ZFAND3: variants seen among roughly 807,000 people sequenced by gnomAD.
The protein encoded by ZFAND3 is zinc finger AN1-type containing 3.
Under a neutral mutation model 29.6 loss-of-function variants are expected in ZFAND3, and 10 were observed. The ratio of observed to expected loss-of-function variants is 0.34; its 90% CI spans 0.21 to 0.57. The LOEUF (loss-of-function observed/expected upper bound fraction) is 0.57. ZFAND3 is among the 20% of genes least tolerant of loss of function. ZFAND3 has a pLI of 0.86. For missense variants in ZFAND3, 230 were observed against 304.5 expected (o/e 0.76, Z 1.82); for synonymous variants, 128 against 112.6 (o/e 1.14, Z -0.87).
chr6:37,995,744 CAGTT>C (rs779078011), intron 2 of ZFAND3, among the ~76,000 whole-genome samples: 12 of 151,922 alleles, frequency 7.9e-5, no homozygotes, highest in Admixed American at 1.3e-4. Flanking sequence ...AAAACAAACA[CAGTT>C]AGTAAGTAAA....
chr6:37,831,698 G>A (rs1403417628), intron 1 of ZFAND3, among the ~76,000 whole-genome samples: 1 of 152,162 alleles, frequency 6.6e-6, no homozygotes, highest in East Asian at 1.9e-4. Context: ...ATGGTAAGGA[G>A]GGGATTTCTG....
At chr6:38,043,671 G>A (rs1763841084) in intron 2 of ZFAND3, among the ~76,000 whole-genome samples, 1 of 151,526 alleles carries the variant, frequency 6.6e-6, no homozygotes, top group Admixed American at 6.6e-5. Flanking sequence ...GAGTGTAGTG[G>A]CATGACCTTG....
intron 1 of ZFAND3, among the ~76,000 whole-genome samples, chr6:37,911,969 C>T (rs1765528259): frequency 6.6e-6 from 1 of 151,676 alleles, no homozygotes; most frequent in Non-Finnish European, 1.5e-5. Context: ...TGCAGATTCA[C>T]CATCTTAGGG....
intron 1 of ZFAND3, among the ~76,000 whole-genome samples, chr6:37,922,809 C>T (rs902605773): frequency 6.6e-6 from 1 of 152,154 alleles, no homozygotes; most frequent in Non-Finnish European, 1.5e-5. Flanking sequence ...CAGGCACTTA[C>T]CATGAATGGA....
chr6:38,060,629 CTT>C (rs1485734695), intron 2 of ZFAND3, among the ~76,000 whole-genome samples: 1 of 151,884 alleles, frequency 6.6e-6, no homozygotes, highest in African/African-American at 2.4e-5. Context: ...TTTTTTAAAA[CTT>C]TTAGAGATGA....
At chr6:38,131,407 A>G (rs1159371087) in intron 5 of ZFAND3, among the ~76,000 whole-genome samples, 2 of 152,222 alleles carry the variant, frequency 1.3e-5, no homozygotes, top group South Asian at 2.1e-4. Flanking sequence ...GTCCTTCTTT[A>G]GAAGGTAAAA....
At chr6:38,025,718 A>G (rs1410455779) in intron 2 of ZFAND3, among the ~76,000 whole-genome samples, 4 of 152,242 alleles carry the variant, frequency 2.6e-5, no homozygotes, top group African/African-American at 7.2e-5. Context: ...ACATGCCACA[A>G]CATAGATGAA....
rs1449111589 is a variant in ZFAND3 at position 37,819,773 on chromosome 6, C to T, written c.-173C>T. Reference sequence around the variant, plus strand: ...GTGGTGCGGCCCGCCTCCAGCTGACCGGCCTGGAATCCCGGCTCCGAGCCC... The same window carrying T: ...GTGGTGCGGCCCGCCTCCAGCTGACTGGCCTGGAATCCCGGCTCCGAGCCC... On this transcript the variant is annotated 5_prime_UTR_variant, in exon 1 of 6. Transcript: ENST00000287218. 1.4e-5 allele frequency: 4 copies of T among 277,772 alleles called. No individual in the cohort carries two copies. Among genetic ancestry groups the T allele is most frequent in the South Asian group, 2.6e-4 (2 of 7,580 alleles). 17.2% of individuals were successfully genotyped at this position (277,772 alleles called of 1,614,324 possible). A position where few individuals can be genotyped will look rare whatever the true frequency, so the allele number is the denominator to read the frequency against.
At chr6:37,914,108 T>C (rs1390713538) in intron 1 of ZFAND3, among the ~76,000 whole-genome samples, 1 of 152,154 alleles carries the variant, frequency 6.6e-6, no homozygotes, top group Non-Finnish European at 1.5e-5. Context: ...ACAGAATGAA[T>C]GTTGTGTTTG....
intron 1 of ZFAND3, among the ~76,000 whole-genome samples, chr6:37,828,576 A>G (rs992815776): frequency 1.1e-4 from 16 of 152,188 alleles, no homozygotes; most frequent in African/African-American, 3.4e-4. Context: ...AGGTATGGTG[A>G]TTTCAATGTG....
At chr6:38,054,705 A>T (rs1432066645) in intron 2 of ZFAND3, among the ~76,000 whole-genome samples, 1 of 152,100 alleles carries the variant, frequency 6.6e-6, no homozygotes, top group African/African-American at 2.4e-5. Flanking sequence ...TCAATAGCTC[A>T]CAAGTCCACA....
chr6:37,939,873 C>T (rs373904464), intron 2 of ZFAND3, among the ~76,000 whole-genome samples: 3 of 152,120 alleles, frequency 2.0e-5, no homozygotes, highest in Admixed American at 6.5e-5. Flanking sequence ...AACCCCATCT[C>T]TACTAAAAAT....
intron 1 of ZFAND3, among the ~76,000 whole-genome samples, chr6:37,874,029 C>T (rs1357945134): frequency 1.3e-5 from 2 of 152,090 alleles, no homozygotes; most frequent in Non-Finnish European, 2.9e-5. Context: ...TCTTAAGCAA[C>T]AGAAATTTAT....
At chr6:38,024,105 T>A (rs1217426127) in intron 2 of ZFAND3, among the ~76,000 whole-genome samples, 1 of 152,192 alleles carries the variant, frequency 6.6e-6, no homozygotes, top group East Asian at 1.9e-4. Context: ...TCAGTATTCC[T>A]TTCTTTAAAA....
intron 1 of ZFAND3, among the ~76,000 whole-genome samples, chr6:37,878,240 C>T (rs1394531566): frequency 6.6e-6 from 1 of 152,156 alleles, no homozygotes; most frequent in African/African-American, 2.4e-5. Context: ...AGCTCACTGC[C>T]ATTACTATCC....
chr6:38,093,198 C>T (rs2127474788), intron 4 of ZFAND3, among the ~76,000 whole-genome samples: 1 of 152,264 alleles, frequency 6.6e-6, no homozygotes, highest in South Asian at 2.1e-4. Context: ...CAGGAATGTT[C>T]TGTGGGTAGT....
At chr6:38,046,337 G>C (rs1019567999) in intron 2 of ZFAND3, among the ~76,000 whole-genome samples, 6 of 152,168 alleles carry the variant, frequency 3.9e-5, no homozygotes, top group Non-Finnish European at 7.3e-5. Flanking sequence ...TATATCACAT[G>C]CTATTAAATA....
chr6:38,144,198 TATATATATATATAATATATAATA>T (rs1581956938), intron 5 of ZFAND3, among the ~76,000 whole-genome samples: 1 of 40,260 alleles, frequency 2.5e-5, no homozygotes, highest in East Asian at 3.4e-4. Context: ...TATATATATA[TATATATATATATAATATATAATA>T]TATATATATA....
chr6:37,883,315 A>C (rs1371088376), intron 1 of ZFAND3, among the ~76,000 whole-genome samples: 1 of 152,208 alleles, frequency 6.6e-6, no homozygotes, highest in African/African-American at 2.4e-5. Flanking sequence ...TGTACAAAGC[A>C]CATCCAGAGA....
Sources: gnomAD v4.1 joint callset for allele counts (sites outside exome capture counted in the v4.1 genomes callset) on GRCh38, gnomAD v4.1.1 for gene constraint, MANE v1.5 for transcripts, NCBI Gene and HGNC (gene_info 2026-07-23, HGNC 2026-07-21) for gene names.